The following HDAC9 variants were observed in gnomAD, a reference collection of about 807,000 sequenced individuals.
HDAC9 encodes the protein histone deacetylase 9.
Under a neutral mutation model 139.4 loss-of-function variants are expected in HDAC9, and 41 were observed. The ratio of observed to expected loss-of-function variants is 0.29; its 90% CI spans 0.23 to 0.38. The LOEUF (loss-of-function observed/expected upper bound fraction) is 0.38. Among genes scored for constraint, HDAC9 ranks in the 10% least tolerant of loss-of-function variants. The probability of loss-of-function intolerance (pLI) is 1.00; values close to 1 mark genes in which losing one functional copy is unlikely to be tolerated. For synonymous variants in HDAC9, 517 were observed against 476.2 expected (o/e 1.09, Z -1.12); for missense variants, 1,147 against 1,297.0 (o/e 0.88, Z 1.78).
At chr7:18,941,508 C>G (rs1015150023) in intron 23 of HDAC9, among the ~76,000 whole-genome samples, 19 of 152,124 alleles carry the variant, frequency 1.2e-4, no homozygotes, top group Middle Eastern at 3.4e-3. Context: ...CATTGGATTC[C>G]GAATAGGGAA....
rs182497396 is a variant in HDAC9, at chr7:18,770,428, A to G, written c.2214+3273A>G. Among the ~76,000 whole-genome samples the G allele has an allele frequency of 5.3e-5, 8 of 152,262 alleles. No individual in the cohort carries two copies. In the East Asian group the frequency reaches 1.5e-3, roughly 29 times the overall value. On this transcript the variant is annotated intron_variant, in intron 16 of 25. Coordinates refer to ENST00000686413, the MANE Select transcript of HDAC9 (RefSeq NM_178425.4). ...AGGATCTCTTCAGTTCTCACTCCTCAGGGTATATCACTAAAAATAGTGATC... is the reference window on the plus strand; with the variant it reads ...AGGATCTCTTCAGTTCTCACTCCTCGGGGTATATCACTAAAAATAGTGATC...
At chr7:18,790,642 T>C (rs1792220942) in intron 16 of HDAC9, among the ~76,000 whole-genome samples, 1 of 152,206 alleles carries the variant, frequency 6.6e-6, no homozygotes, top group Admixed American at 6.5e-5. Flanking sequence ...TATGAACAGA[T>C]TATATCCACA....
intron 21 of HDAC9, among the ~76,000 whole-genome samples, chr7:18,862,007 T>TA (rs201948050): frequency 0.023 from 3,473 of 152,296 alleles, 73 homozygotes; most frequent in Middle Eastern, 0.14. Context: ...AGTGAAATGA[T>TA]ATGGACTCAC....
At chr7:18,778,824 G>A (rs1315135324) in intron 16 of HDAC9, among the ~76,000 whole-genome samples, 1 of 152,016 alleles carries the variant, frequency 6.6e-6, no homozygotes, top group Admixed American at 6.6e-5. Flanking sequence ...CAAGTAAATA[G>A]CAAAAGGCAG....
At chr7:18,823,024 T>C (rs1190313506) in intron 17 of HDAC9, among the ~76,000 whole-genome samples, 1 of 152,230 alleles carries the variant, frequency 6.6e-6, no homozygotes, top group East Asian at 1.9e-4. Flanking sequence ...ATGTTTTTTA[T>C]TCTGATGGAA....
intron 2 of HDAC9, among the ~76,000 whole-genome samples, chr7:18,251,329 A>G (rs1794905276): frequency 6.6e-6 from 1 of 152,068 alleles, no homozygotes; most frequent in Admixed American, 6.5e-5. Context: ...ACACACTGGG[A>G]GGAAACAGCA....
At chr7:18,090,181 T>G (rs182071488) in intron 1 of HDAC9, among the ~76,000 whole-genome samples, 1 of 152,208 alleles carries the variant, frequency 6.6e-6, no homozygotes, top group Non-Finnish European at 1.5e-5. Flanking sequence ...TACCCAACGT[T>G]ACACCATAGT....
intron 8 of HDAC9, among the ~76,000 whole-genome samples, chr7:18,638,245 T>A (rs772999000): frequency 1.3e-5 from 2 of 152,062 alleles, no homozygotes; most frequent in East Asian, 3.9e-4. Context: ...TGTAAATGAA[T>A]GGGATTCTAT....
intron 25 of HDAC9, among the ~76,000 whole-genome samples, chr7:18,991,368 C>T (rs567892811): frequency 7.9e-5 from 12 of 152,032 alleles, no homozygotes; most frequent in Middle Eastern, 3.4e-3. Context: ...AGGCTGGGCA[C>T]AGTGGCTCAT....
intron 22 of HDAC9, among the ~76,000 whole-genome samples, chr7:18,881,453 C>G (rs540320200): frequency 6.6e-6 from 1 of 152,170 alleles, no homozygotes; most frequent in African/African-American, 2.4e-5. Context: ...CTCCACTTTT[C>G]CATTTCTTGT....
At position 18,559,285 on chromosome 7, in the gene HDAC9, TAC is replaced by T. The variant is rs574939154; in HGVS notation, c.23-25989_23-25988del. Among the ~76,000 whole-genome samples, 632 of 152,256 alleles carry T rather than the reference TAC, an allele frequency of 4.2e-3. 5 individuals are homozygous for T. Among genetic ancestry groups the T allele is most frequent in the African/African-American group, 0.014 (594 of 41,550 alleles). The stretch of plus-strand genomic sequence containing the variant: ...GCCCAGATCTGACCCACACAATACA[TAC>T]ACACACCTTCGTCCTGCTGATTAGG... On this transcript the variant is annotated intron_variant, in intron 2 of 25. Transcript: ENST00000686413.
At chr7:18,858,346 A>G (rs568024230) in intron 21 of HDAC9, among the ~76,000 whole-genome samples, 1 of 152,306 alleles carries the variant, frequency 6.6e-6, no homozygotes, top group South Asian at 2.1e-4. Context: ...CAGGAAACTT[A>G]CAATCATGGT....
rs1220844833 is a variant in HDAC9, at chr7:18,261,046, T to C, written c.25+98697T>C. Among the ~76,000 whole-genome samples, 3 of 152,254 alleles carry C rather than the reference T, an allele frequency of 2.0e-5. No homozygotes were observed. The East Asian group carries it at 5.8e-4, about 29-fold the overall frequency. Reference sequence around the variant, plus strand: ...TGGCTGGCTCTGGGGCTCATGTTTGTAATCCCAACTCTCTGGGAGGCCGAG... The same window carrying C: ...TGGCTGGCTCTGGGGCTCATGTTTGCAATCCCAACTCTCTGGGAGGCCGAG... On this transcript the variant is annotated intron_variant, in intron 2 of 12. Coordinates refer to the HDAC9 transcript ENST00000417496.
chr7:18,204,469 A>T (rs577781891), intron 2 of HDAC9, among the ~76,000 whole-genome samples: 1 of 152,036 alleles, frequency 6.6e-6, no homozygotes, highest in East Asian at 1.9e-4. Flanking sequence ...GCTTTGCCAA[A>T]TTGCTTTCTA....
chr7:18,739,858 A>G (rs906604477), intron 13 of HDAC9, among the ~76,000 whole-genome samples: 8 of 152,218 alleles, frequency 5.3e-5, no homozygotes, highest in Non-Finnish European at 7.3e-5. Flanking sequence ...TTGTTCAGCT[A>G]TGCCCTGCCC....
At chr7:18,837,437 T>G (rs1796311697) in intron 21 of HDAC9, among the ~76,000 whole-genome samples, 1 of 152,046 alleles carries the variant, frequency 6.6e-6, no homozygotes, top group Admixed American at 6.6e-5. Context: ...TGTAGGAACT[T>G]TAACAGGATA....
intron 11 of HDAC9, among the ~76,000 whole-genome samples, chr7:18,655,748 T>C (rs1474066507): frequency 6.6e-6 from 1 of 152,192 alleles, no homozygotes; most frequent in Non-Finnish European, 1.5e-5. Context: ...TCCTTTTCAC[T>C]CTGCACTGTT....
chr7:18,216,463 A>C (rs758331493), intron 2 of HDAC9, among the ~76,000 whole-genome samples: 2 of 152,120 alleles, frequency 1.3e-5, no homozygotes, highest in African/African-American at 2.4e-5. Flanking sequence ...GTTTTGTTGG[A>C]AACAACTCTG....
At chr7:18,195,317 T>C (rs1446713591) in intron 2 of HDAC9, among the ~76,000 whole-genome samples, 2 of 152,140 alleles carry the variant, frequency 1.3e-5, no homozygotes, top group East Asian at 1.9e-4. Context: ...TTAAAAAATG[T>C]ATTGGGTTTT....
Sources: allele counts gnomAD v4.1 joint callset (sites outside exome capture counted in the v4.1 genomes callset), GRCh38; gene constraint gnomAD v4.1.1; transcripts MANE v1.5; gene names NCBI Gene and HGNC (gene_info 2026-07-23, HGNC 2026-07-21).